The following GRM8 variants were observed in gnomAD, a reference collection of about 807,000 sequenced individuals.
GRM8 encodes the protein metabotropic glutamate receptor 8.
GRM8 carries 47 observed loss-of-function variants against 87.2 expected under a neutral mutation model. The ratio of observed to expected loss-of-function variants is 0.54; its 90% CI spans 0.43 to 0.69. The LOEUF is 0.69. GRM8 is among the 30% of genes least tolerant of loss of function. The probability of loss-of-function intolerance (pLI) is 0.00; values close to 1 mark genes in which losing one functional copy is unlikely to be tolerated. For missense variants in GRM8, 1,019 were observed against 1,139.2 expected, an observed-to-expected ratio of 0.89 and a Z score of 1.52; for synonymous variants, 396 against 404.5, an observed-to-expected ratio of 0.98 and a Z score of 0.25.
At chr7:126,803,706 G>T (rs894868379) in intron 6 of GRM8, among the ~76,000 whole-genome samples, 29 of 152,134 alleles carry the variant, frequency 1.9e-4, no homozygotes, top group African/African-American at 7.0e-4. Flanking sequence ...CTAAGCAAGG[G>T]TGCTGACTAC....
intron 3 of GRM8, among the ~76,000 whole-genome samples, chr7:127,085,584 G>A (rs1372166181): frequency 6.6e-6 from 1 of 152,160 alleles, no homozygotes. Context: ...TTTTTCATAT[G>A]TCTGTTGGCT....
intron 2 of GRM8, among the ~76,000 whole-genome samples, chr7:127,160,924 C>T (rs1184483494): frequency 6.6e-6 from 1 of 151,952 alleles, no homozygotes; most frequent in African/African-American, 2.4e-5. Flanking sequence ...GATCAAACAC[C>T]AAAAAGCAGA....
chr7:127,147,942 T>C (rs932620440), intron 2 of GRM8, among the ~76,000 whole-genome samples: 2 of 152,094 alleles, frequency 1.3e-5, no homozygotes, highest in African/African-American at 4.8e-5. Flanking sequence ...ATCTTCGAAC[T>C]CAACTCTTCA....
chr7:126,889,451 C>T (rs1800790861), intron 6 of GRM8, among the ~76,000 whole-genome samples: 1 of 152,044 alleles, frequency 6.6e-6, no homozygotes, highest in African/African-American at 2.4e-5. Flanking sequence ...AAGAAAAATG[C>T]TTAGCTGAAT....
At chr7:127,106,916 T>C (rs1170538704) in intron 2 of GRM8, among the ~76,000 whole-genome samples, 1 of 152,252 alleles carries the variant, frequency 6.6e-6, no homozygotes, top group Non-Finnish European at 1.5e-5. Context: ...ACAATATTTC[T>C]AAACAGTGAG....
chr7:126,439,696 C>T (rs377705308), intron 10 of GRM8, among the ~76,000 whole-genome samples: 65 of 152,040 alleles, frequency 4.3e-4, no homozygotes, highest in African/African-American at 1.2e-3. Flanking sequence ...GGGGTATTCC[C>T]GAATAAGGCA....
intron 3 of GRM8, among the ~76,000 whole-genome samples, chr7:127,019,020 G>A (rs1815988816): frequency 6.6e-6 from 1 of 151,978 alleles, no homozygotes; most frequent in East Asian, 1.9e-4. Context: ...AGCTGATACA[G>A]GGTTGTAGTG....
intron 7 of GRM8, among the ~76,000 whole-genome samples, chr7:126,728,326 G>A (rs1311744461): frequency 2.0e-5 from 3 of 152,132 alleles, no homozygotes; most frequent in Non-Finnish European, 4.4e-5. Flanking sequence ...AATGCTATCT[G>A]TGCAGAACCA....
chr7:127,019,226 C>T (rs1310218479), intron 3 of GRM8, among the ~76,000 whole-genome samples: 1 of 152,006 alleles, frequency 6.6e-6, no homozygotes, highest in East Asian at 1.9e-4. Flanking sequence ...TAAACGTTAT[C>T]TCTTGGAAGC....
At chr7:126,991,234 T>C (rs1812629102) in intron 3 of GRM8, among the ~76,000 whole-genome samples, 2 of 152,240 alleles carry the variant, frequency 1.3e-5, no homozygotes, top group South Asian at 4.2e-4. Flanking sequence ...ACTTACTAGG[T>C]TATTTTCAGG....
intron 7 of GRM8, among the ~76,000 whole-genome samples, chr7:126,742,424 T>G (rs75027514): frequency 5.3e-5 from 8 of 152,022 alleles, no homozygotes; most frequent in African/African-American, 1.9e-4. Flanking sequence ...CAGTATCCTA[T>G]TTCCTTTAAT....
chr7:126,920,304 A>G (rs2131355473), intron 3 of GRM8, among the ~76,000 whole-genome samples: 1 of 152,320 alleles, frequency 6.6e-6, no homozygotes, highest in East Asian at 1.9e-4. Context: ...TACTCAGTTT[A>G]TGGTATTTTG....
chr7:126,491,497 A>T (rs922151821), intron 9 of GRM8, among the ~76,000 whole-genome samples: 6 of 152,112 alleles, frequency 3.9e-5, no homozygotes, highest in Non-Finnish European at 7.4e-5. Context: ...ACAAATTTAC[A>T]GTGCTTGCAT....
chr7:127,039,622 GGAAGGGGAAGGA>G (rs1400377040), intron 3 of GRM8, among the ~76,000 whole-genome samples: 2 of 134,550 alleles, frequency 1.5e-5, no homozygotes, highest in South Asian at 2.7e-4. Flanking sequence ...AGTGAGAAGG[GGAAGGGGAAGGA>G]GAAGGGGAAG....
chr7:126,604,033 TC>T (rs1798094634), intron 8 of GRM8, among the ~76,000 whole-genome samples: 1 of 151,886 alleles, frequency 6.6e-6, no homozygotes, highest in African/African-American at 2.4e-5. Flanking sequence ...AAAAACAAAA[TC>T]CCTGAGACAA....
intron 8 of GRM8, among the ~76,000 whole-genome samples, chr7:126,557,082 C>T (rs1793223469): frequency 6.6e-6 from 1 of 152,170 alleles, no homozygotes; most frequent in African/African-American, 2.4e-5. Flanking sequence ...GGAAGCTGCT[C>T]CCCTAAAGAA....
At chr7:126,556,296 TGAC>T (rs975187327) in intron 8 of GRM8, among the ~76,000 whole-genome samples, 47 of 141,570 alleles carry the variant, frequency 3.3e-4, no homozygotes, top group Non-Finnish European at 6.3e-4. Context: ...GGCTCAGGGA[TGAC>T]ACTACTAGAG....
chr7:127,019,357 T>A (rs911512808), intron 3 of GRM8, among the ~76,000 whole-genome samples: 10 of 151,990 alleles, frequency 6.6e-5, no homozygotes, highest in Non-Finnish European at 1.2e-4. Flanking sequence ...TCTGAGAAGG[T>A]AATGGGAGTG....
At chr7:127,177,656 G>A (rs1794193805) in intron 2 of GRM8, among the ~76,000 whole-genome samples, 1 of 152,176 alleles carries the variant, frequency 6.6e-6, no homozygotes, top group Admixed American at 6.5e-5. Context: ...GAGACCCATA[G>A]ATGGTTCACA....
Sources: allele counts gnomAD v4.1 joint callset (sites outside exome capture counted in the v4.1 genomes callset), GRCh38; gene constraint gnomAD v4.1.1; transcripts MANE v1.5; gene names NCBI Gene and HGNC (gene_info 2026-07-23, HGNC 2026-07-21).